The following FOCAD variants were observed in gnomAD, a reference collection of about 807,000 sequenced individuals.
FOCAD encodes the protein focadhesin, also known as KIAA1797.
In FOCAD, 198 loss-of-function variants were observed where a neutral mutation model predicts 225.6. That is an observed-to-expected ratio of 0.88 (90% CI 0.78 to 0.99). The LOEUF (loss-of-function observed/expected upper bound fraction) is 0.99. Among genes scored for constraint, FOCAD ranks in the 50% least tolerant of loss-of-function variants. The pLI, the probability that FOCAD is intolerant of heterozygous loss-of-function variation, is 0.00. For synonymous variants in FOCAD, 897 were observed against 755.0 expected, an observed-to-expected ratio of 1.19 and a Z score of -3.08; for missense variants, 2,713 against 2,123.6, an observed-to-expected ratio of 1.28 and a Z score of -5.46.
At chr9:20,985,910 G>A (rs1219203688) in intron 39 of FOCAD, among the ~76,000 whole-genome samples, 1 of 152,216 alleles carries the variant, frequency 6.6e-6, no homozygotes, top group Non-Finnish European at 1.5e-5. Context: ...GGGTTCCACA[G>A]AAGTTCTGTG....
At chr9:20,937,916 A>G (rs955669862) in intron 28 of FOCAD, among the ~76,000 whole-genome samples, 5 of 152,322 alleles carry the variant, frequency 3.3e-5, no homozygotes, top group South Asian at 2.1e-4. Context: ...ACAAGTGGGC[A>G]AAGGATATGA....
chr9:20,960,586 TA>T (rs754251560), intron 35 of FOCAD, among the ~76,000 whole-genome samples: 2 of 151,924 alleles, frequency 1.3e-5, no homozygotes, highest in Non-Finnish European at 2.9e-5. Flanking sequence ...TGAATCCATC[TA>T]TTTTTTTTTT....
chr9:20,939,197 A>G (rs2132277857), intron 28 of FOCAD, among the ~76,000 whole-genome samples: 1 of 149,878 alleles, frequency 6.7e-6, no homozygotes, highest in East Asian at 2.0e-4. Flanking sequence ...GTAAAGAAAG[A>G]GTTTGATGGC....
At chr9:20,934,429 A>G (rs1835764677) in intron 28 of FOCAD, among the ~76,000 whole-genome samples, 1 of 151,988 alleles carries the variant, frequency 6.6e-6, no homozygotes, top group African/African-American at 2.4e-5. Context: ...ATTCTCTTAC[A>G]TGTAGCTTGC....
chr9:20,949,844 C>T (rs192008864), intron 33 of FOCAD, among the ~76,000 whole-genome samples, 169 bp downstream of exon 33: 5 of 152,102 alleles, frequency 3.3e-5, no homozygotes, highest in African/African-American at 1.2e-4. Flanking sequence ...TGTTAACTGA[C>T]AAACATGCAC....
At chr9:20,692,444 T>A (rs1823030980) in intron 1 of FOCAD, among the ~76,000 whole-genome samples, 2 of 152,212 alleles carry the variant, frequency 1.3e-5, no homozygotes, top group South Asian at 2.1e-4. Flanking sequence ...TGTCCGGATC[T>A]TGCAGTAGCC....
At chr9:20,951,743 C>G (rs1024333115) in intron 34 of FOCAD, among the ~76,000 whole-genome samples, 4 of 152,154 alleles carry the variant, frequency 2.6e-5, no homozygotes, top group African/African-American at 9.7e-5. Context: ...TCCCGACATG[C>G]TTAATGTGCA....
chr9:20,942,013 A>C (rs1477733982), intron 28 of FOCAD, among the ~76,000 whole-genome samples: 3 of 152,204 alleles, frequency 2.0e-5, no homozygotes, highest in Non-Finnish European at 4.4e-5. Context: ...GGAAATCAGG[A>C]ATAAAGTTTT....
chr9:20,741,567 A>G lies in FOCAD; in HGVS notation c.392+1227A>G, dbSNP rs777345173. ...ATACAAGTTGGAAGAATGTGGTACA[A>G]TGAATTAATTTATTTTTAAATAAGG... On this transcript the variant is annotated intron_variant, in intron 5 of 43. Coordinates refer to ENST00000338382, the MANE Select transcript of FOCAD (RefSeq NM_001375567.1). Among the ~76,000 whole-genome samples, 76 of 152,104 alleles carry G rather than the reference A, an allele frequency of 5.0e-4. 1 individual carries two copies. Among genetic ancestry groups the G allele is most frequent in the Non-Finnish European group, 3.5e-4 (24 of 68,020 alleles).
chr9:20,735,397 T>A (rs1375875799), intron 4 of FOCAD, among the ~76,000 whole-genome samples: 1 of 152,212 alleles, frequency 6.6e-6, no homozygotes, highest in Non-Finnish European at 1.5e-5. Context: ...AAAATAATTG[T>A]ATGTTCTGAT....
intron 34 of FOCAD, among the ~76,000 whole-genome samples, chr9:20,951,850 G>GC: frequency 6.6e-6 from 1 of 152,262 alleles, no homozygotes; most frequent in East Asian, 1.9e-4. Flanking sequence ...TTGGACCCAG[G>GC]CCAGAGAGGT....
intron 11 of FOCAD, among the ~76,000 whole-genome samples, chr9:20,813,253 A>T (rs567847854): frequency 6.6e-6 from 1 of 152,188 alleles, no homozygotes; most frequent in Admixed American, 6.5e-5. Flanking sequence ...GTGTTTATCC[A>T]TTCATCCCGG....
At chr9:20,977,674 A>T (rs532936187) in intron 36 of FOCAD, among the ~76,000 whole-genome samples, 1 of 152,178 alleles carries the variant, frequency 6.6e-6, no homozygotes, top group Non-Finnish European at 1.5e-5. Context: ...ACTGTAATTT[A>T]TGTGTGGTTT....
At position 20,960,303 on chromosome 9, in the gene FOCAD, T is replaced by C. The variant is rs151154403; in HGVS notation, c.4132+7238T>C. On this transcript the variant is annotated intron_variant, in intron 35 of 43. Coordinates refer to ENST00000338382, the MANE Select transcript of FOCAD (RefSeq NM_001375567.1). The stretch of plus-strand genomic sequence containing the variant: ...TGACAGACGTGGAGCTGTGTGCTTC[T>C]CACTGCATCCCATCTGTGGCACATG... Among the ~76,000 whole-genome samples the C allele has an allele frequency of 5.9e-3, 905 of 152,326 alleles. 7 individuals carry two copies. Among genetic ancestry groups the C allele is most frequent in the Non-Finnish European group, 8.6e-3 (584 of 68,034 alleles).
At chr9:20,968,235 T>C (rs1839439406) in intron 35 of FOCAD, among the ~76,000 whole-genome samples, 2 of 152,210 alleles carry the variant, frequency 1.3e-5, no homozygotes, top group Middle Eastern at 6.8e-3. Flanking sequence ...TCTAATCTGT[T>C]GGCATACATT....
intron 11 of FOCAD, among the ~76,000 whole-genome samples, chr9:20,800,072 G>C (rs919736073): frequency 8.5e-5 from 13 of 152,060 alleles, no homozygotes; most frequent in African/African-American, 7.2e-5. Flanking sequence ...GCATTTGCTT[G>C]TCTGTAAAGG....
Position 20,986,283 on chromosome 9 carries a change from T to TG in FOCAD, c.4729-4dup, listed in dbSNP as rs1564245882. On this transcript the variant is annotated splice_polypyrimidine_tract_variant and splice_region_variant and intron_variant, in intron 39 of 43. Coordinates refer to ENST00000338382, the MANE Select transcript of FOCAD (RefSeq NM_001375567.1). Reference sequence around the variant, plus strand: ...ACTAAACAATTTTTTTTTTTTTTTTTGCAGAGCAACATAGAAAAAGCTGCC... The same window carrying TG: ...ACTAAACAATTTTTTTTTTTTTTTTTGGCAGAGCAACATAGAAAAAGCTGCC... 1 of 1,476,884 alleles carries TG rather than the reference T, an allele frequency of 6.8e-7. No individual in the cohort carries two copies. Among genetic ancestry groups the TG allele is most frequent in the Non-Finnish European group, 9.0e-7 (1 of 1,113,550 alleles). 91.5% of individuals were successfully genotyped at this position (1,476,884 alleles called of 1,614,324 possible).
chr9:20,829,282 A>T (rs191673042), intron 15 of FOCAD, among the ~76,000 whole-genome samples: 1 of 151,952 alleles, frequency 6.6e-6, no homozygotes, highest in African/African-American at 2.4e-5. Context: ...TTTCTCCACA[A>T]CTTTACCAGC....
chr9:20,843,657 G>A (rs1401347157), intron 15 of FOCAD, among the ~76,000 whole-genome samples: 2 of 151,966 alleles, frequency 1.3e-5, no homozygotes, highest in Non-Finnish European at 2.9e-5. Context: ...TCTAGGTTTG[G>A]GAAGTTCTCT....
Sources: allele counts gnomAD v4.1 joint callset (sites outside exome capture counted in the v4.1 genomes callset), GRCh38; gene constraint gnomAD v4.1.1; transcripts MANE v1.5; gene names NCBI Gene and HGNC (gene_info 2026-07-23, HGNC 2026-07-21).